CTIF: variants seen among roughly 807,000 people sequenced by gnomAD.
CTIF encodes cap binding complex dependent translation initiation factor, also known as CBP80/20-dependent translation initiation factor.
A neutral mutation model predicts 66.0 loss-of-function variants in CTIF; 21 were observed. The ratio of observed to expected loss-of-function variants is 0.32; its 90% CI spans 0.23 to 0.46. The LOEUF is 0.46. Ranked by LOEUF, CTIF falls within the 20% of genes least tolerant of loss-of-function variation. The probability of loss-of-function intolerance (pLI) is 1.00; values close to 1 mark genes in which losing one functional copy is unlikely to be tolerated. For synonymous variants in CTIF, 345 were observed against 326.4 expected (o/e 1.06, Z -0.62); for missense variants, 739 against 812.7 (o/e 0.91, Z 1.10).
At chr18:48,624,811 A>AG (rs779017414) in intron 2 of CTIF, among the ~76,000 whole-genome samples, 47 of 152,332 alleles carry the variant, frequency 3.1e-4, no homozygotes, top group Non-Finnish European at 2.8e-4. Context: ...GATAACATGT[A>AG]GGAACCCTAT....
intron 1 of CTIF, among the ~76,000 whole-genome samples, chr18:48,568,976 C>G (rs908675534): frequency 4.7e-4 from 71 of 152,112 alleles, no homozygotes; most frequent in Admixed American, 2.6e-4. Context: ...AGATCAGTTG[C>G]TCTCTTCTGA....
intron 3 of CTIF, among the ~76,000 whole-genome samples, chr18:48,638,502 C>T (rs760247292): frequency 6.6e-6 from 1 of 152,090 alleles, no homozygotes; most frequent in Non-Finnish European, 1.5e-5. Context: ...CTCCCCTCAT[C>T]TGCCTCACCT....
At chr18:48,602,169 T>C (rs747931233) in intron 1 of CTIF, among the ~76,000 whole-genome samples, 2 of 152,238 alleles carry the variant, frequency 1.3e-5, no homozygotes, top group African/African-American at 2.4e-5. Context: ...ATTAGCCATG[T>C]ATTGAGTATG....
intron 3 of CTIF, among the ~76,000 whole-genome samples, chr18:48,648,579 C>T (rs536184544): frequency 2.0e-5 from 3 of 152,068 alleles, no homozygotes; most frequent in Non-Finnish European, 4.4e-5. Context: ...CCTGTGCTTT[C>T]CCCCTCAGTT....
intron 10 of CTIF, among the ~76,000 whole-genome samples, chr18:48,841,057 CT>C (rs1339456822): frequency 2.0e-5 from 3 of 152,208 alleles, no homozygotes; most frequent in Non-Finnish European, 4.4e-5. Context: ...TTTCTAAGTC[CT>C]CCAATGACCC....
intron 9 of CTIF, among the ~76,000 whole-genome samples, chr18:48,770,336 C>G (rs1290101125): frequency 1.3e-5 from 2 of 151,982 alleles, no homozygotes; most frequent in Non-Finnish European, 2.9e-5. Flanking sequence ...CACTGCGCCA[C>G]TGCGCCACTA....
At chr18:48,738,538 C>CCT (rs2092524724) in intron 7 of CTIF, among the ~76,000 whole-genome samples, 1 of 151,896 alleles carries the variant, frequency 6.6e-6, no homozygotes, top group South Asian at 2.1e-4. Flanking sequence ...TGGCTGTTCC[C>CCT]CCTCCCCGGA....
At chr18:48,677,154 C>G (rs763285299) in intron 6 of CTIF, among the ~76,000 whole-genome samples, 6 of 152,160 alleles carry the variant, frequency 3.9e-5, no homozygotes, top group Non-Finnish European at 8.8e-5. Flanking sequence ...GACATGCTAA[C>G]TCACAGGCGT....
chr18:48,793,142 G>C (rs942466664), intron 9 of CTIF, among the ~76,000 whole-genome samples: 1 of 152,164 alleles, frequency 6.6e-6, no homozygotes, highest in Non-Finnish European at 1.5e-5. Context: ...CTGCAGGAGA[G>C]AGGCTTCAGC....
chr18:48,645,427 C>A (rs1164295064), intron 3 of CTIF, among the ~76,000 whole-genome samples: 1 of 152,190 alleles, frequency 6.6e-6, no homozygotes, highest in Non-Finnish European at 1.5e-5. Context: ...GTACCCCAGC[C>A]AAACACCACA....
chr18:48,712,084 G>T (rs2092230849), intron 7 of CTIF, among the ~76,000 whole-genome samples: 1 of 152,142 alleles, frequency 6.6e-6, no homozygotes, highest in Non-Finnish European at 1.5e-5. Context: ...GCCTCCAGGA[G>T]GCTCCTGGAG....
chr18:48,585,056 T>A (rs2143867167), intron 1 of CTIF, among the ~76,000 whole-genome samples: 1 of 152,312 alleles, frequency 6.6e-6, no homozygotes, highest in Admixed American at 6.5e-5. Context: ...CGTGTGTCTT[T>A]GGGTTTTCTG....
chr18:48,754,469 C>A (rs919737959), intron 7 of CTIF, among the ~76,000 whole-genome samples: 3 of 152,208 alleles, frequency 2.0e-5, no homozygotes, highest in African/African-American at 4.8e-5. Context: ...CTAAGCAAGG[C>A]CTTGTGCAGG....
At chr18:48,822,628 T>G (rs896037237) in intron 10 of CTIF, among the ~76,000 whole-genome samples, 1 of 92 alleles carries the variant, frequency 0.011, no homozygotes, top group African/African-American at 0.045. Flanking sequence ...AACATGAGAG[T>G]GCTATATCTC....
chr18:48,832,339 T>C (rs1401258335), intron 10 of CTIF, among the ~76,000 whole-genome samples: 1 of 152,054 alleles, frequency 6.6e-6, no homozygotes, highest in East Asian at 1.9e-4. Context: ...CCCCGGCTAA[T>C]TTTTTGTATT....
At chr18:48,576,368 G>A (rs1163586482) in intron 1 of CTIF, among the ~76,000 whole-genome samples, 1 of 152,246 alleles carries the variant, frequency 6.6e-6, no homozygotes, top group Non-Finnish European at 1.5e-5. Context: ...GGTAGCTGGG[G>A]AAGGGAGGCG....
rs576294872 is a variant in CTIF, at chr18:48,837,982, C to T, written c.1528-19606C>T. 1.1e-4 allele frequency among the ~76,000 whole-genome samples: 17 copies of T among 152,290 alleles called. No homozygotes were observed. In the South Asian group the frequency reaches 1.2e-3, roughly 11 times the overall value. ...TTGGTTTTGCTGTCCAATGCCAGAA[C>T]GGGGGCACACTGAGGAAGAGAGACT... On this transcript the variant is annotated intron_variant, in intron 10 of 11. Coordinates refer to ENST00000256413, the MANE Select transcript of CTIF (RefSeq NM_014772.3).
intron 6 of CTIF, among the ~76,000 whole-genome samples, chr18:48,705,752 T>C (rs911216931): frequency 3.3e-4 from 51 of 152,300 alleles, no homozygotes; most frequent in African/African-American, 1.2e-3. Context: ...CGGGTTGAGG[T>C]TGTGGCATGC....
Position 48,550,995 on chromosome 18 carries a change from C to G in CTIF, c.-29+11683C>G, listed in dbSNP as rs1387659317. Among the ~76,000 whole-genome samples the G allele has an allele frequency of 2.6e-5, 4 of 151,938 alleles. No individual in the cohort carries two copies. In the East Asian group the frequency reaches 7.7e-4, roughly 29 times the overall value. ...AAGAAAGGTAATCAACTATCCTGTT[C>G]TGGGCTGAATTGTGTCCTCTCAAAA... On this transcript the variant is annotated intron_variant, in intron 1 of 11. Transcript: ENST00000256413.
Sources: gnomAD v4.1 joint callset for allele counts (sites outside exome capture counted in the v4.1 genomes callset) on GRCh38, gnomAD v4.1.1 for gene constraint, MANE v1.5 for transcripts, NCBI Gene and HGNC (gene_info 2026-07-23, HGNC 2026-07-21) for gene names.